DDB2: variants seen among roughly 807,000 people sequenced by gnomAD.
DDB2 encodes damage specific DNA binding protein 2.
DDB2 carries 27 observed loss-of-function variants against 50.5 expected under a neutral mutation model. The ratio of observed to expected loss-of-function variants is 0.53; its 90% CI spans 0.39 to 0.74. The LOEUF is 0.74. Ranked by LOEUF, DDB2 falls within the 30% of genes least tolerant of loss-of-function variation. The pLI, the probability that DDB2 is intolerant of heterozygous loss-of-function variation, is 0.00. For missense variants in DDB2, 424 were observed against 545.6 expected, an observed-to-expected ratio of 0.78 and a Z score of 2.22; for synonymous variants, 176 against 205.5, an observed-to-expected ratio of 0.86 and a Z score of 1.23.
At chr11:47,232,099 T>C (rs1292141997) in intron 3 of DDB2, among the ~76,000 whole-genome samples, 2 of 152,050 alleles carry the variant, frequency 1.3e-5, no homozygotes, top group Non-Finnish European at 2.9e-5. Flanking sequence ...ATCCCAGCAC[T>C]TTGGGAGGCC....
intron 2 of DDB2, 96 bp from the exon 3 acceptor site, chr11:47,216,762 C>T: frequency 2.3e-6 from 3 of 1,309,052 alleles, no homozygotes; most frequent in South Asian, 2.4e-5. Flanking sequence ...GGTGGGAGGA[C>T]TTGGATCTAG....
rs761555714 is a variant in DDB2, at chr11:47,229,500, C to T, written c.457-3314C>T. Among the ~76,000 whole-genome samples, 6 of 152,038 alleles carry T rather than the reference C, an allele frequency of 3.9e-5. 1 individual carries two copies. The highest frequency in any genetic ancestry group is 3.3e-4 in the Admixed American group (5 of 15,254). Reference sequence around the variant, plus strand: ...AAGAGTCCAAGCATCCTAAGGAAGACGTGCATTTGGGGAGTGTGTGGCAGC... The same window carrying T: ...AAGAGTCCAAGCATCCTAAGGAAGATGTGCATTTGGGGAGTGTGTGGCAGC... On this transcript the variant is annotated intron_variant, in intron 3 of 9. Coordinates refer to ENST00000256996, the MANE Select transcript of DDB2 (RefSeq NM_000107.3).
At chr11:47,215,861 A>G (rs1565149991) in intron 1 of DDB2, 1 of 271,644 alleles carries the variant, frequency 3.7e-6, no homozygotes, top group Non-Finnish European at 7.2e-6. Context: ...TTCTAATTTC[A>G]CTTACCTCCC....
chr11:47,238,235 A>C, intron 9 of DDB2, 52 bp downstream of exon 9: 1 of 1,526,528 alleles, frequency 6.6e-7, no homozygotes, highest in Non-Finnish European at 8.9e-7. Context: ...CTACTTCCCA[A>C]GGTTCAGTGC....
At chr11:47,227,846 T>C (rs938565936) in intron 3 of DDB2, among the ~76,000 whole-genome samples, 1 of 152,106 alleles carries the variant, frequency 6.6e-6, no homozygotes, top group Non-Finnish European at 1.5e-5. Context: ...TGTATCAAGA[T>C]TATGCTGATT....
At chr11:47,230,256 C>T (rs944108563) in intron 3 of DDB2, among the ~76,000 whole-genome samples, 3 of 151,910 alleles carry the variant, frequency 2.0e-5, no homozygotes, top group Non-Finnish European at 4.4e-5. Flanking sequence ...GCCAGGATTG[C>T]ACCACTGCAT....
intron 3 of DDB2, among the ~76,000 whole-genome samples, chr11:47,226,314 C>T (rs1036271169): frequency 1.4e-5 from 2 of 145,168 alleles, no homozygotes; most frequent in Admixed American, 1.5e-4. Context: ...CTCCCTCTGT[C>T]GCCCAGGCTG....
intron 2 of DDB2, 59 bp downstream of exon 2, chr11:47,216,531 T>C (rs577230400): frequency 1.2e-6 from 2 of 1,607,616 alleles, no homozygotes; most frequent in East Asian, 4.5e-5. Context: ...TACTATTGCA[T>C]GCTCCCAAAT....
At chr11:47,231,823 A>C (rs1440166677) in intron 3 of DDB2, among the ~76,000 whole-genome samples, 1 of 152,094 alleles carries the variant, frequency 6.6e-6, no homozygotes, top group Non-Finnish European at 1.5e-5. Flanking sequence ...ACATTCTATG[A>C]GGGCAAAACA....
chr11:47,234,126 G>C (rs969802103), intron 4 of DDB2, among the ~76,000 whole-genome samples: 3 of 152,128 alleles, frequency 2.0e-5, no homozygotes, highest in African/African-American at 4.8e-5. Flanking sequence ...TGTTCAGAAG[G>C]GGGCAGAAGT....
chr11:47,216,265 C>T (rs1278708651), intron 1 of DDB2, 71 bp from the exon 2 acceptor site: 1 of 1,609,216 alleles, frequency 6.2e-7, no homozygotes. Context: ...AACAAGGCTT[C>T]CTTTCGGGGA....
At position 47,234,608 on chromosome 11, in the gene DDB2, G is replaced by C; in HGVS notation, c.638G>C (p.Ser213Thr). Reference sequence around the variant, plus strand: ...TGTAGCCTGGATGTGTCTGCTAGTAGCCGAATGGTGGTCACAGGAGACAAC... The same window carrying C: ...TGTAGCCTGGATGTGTCTGCTAGTACCCGAATGGTGGTCACAGGAGACAAC... ...WFCSLDVSAS[S>T]RMVVTGDNVG... is the part of the protein sequence containing the mutation. Residue 213 changes from serine to threonine, a missense_variant, in exon 5 of 10, where the codon AGC becomes ACC. Physicochemically the swap from Ser to Thr is moderately conservative, Grantham distance 58. Coordinates refer to ENST00000256996, the MANE Select transcript of DDB2 (RefSeq NM_000107.3). The C allele has an allele frequency of 1.2e-6, 2 of 1,614,104 alleles. No homozygotes were observed. The highest frequency in any genetic ancestry group is 1.7e-6 in the Non-Finnish European group (2 of 1,180,022).
chr11:47,235,760 T>A (rs1340161966), intron 7 of DDB2: 2 of 278,700 alleles, frequency 7.2e-6, no homozygotes, highest in Non-Finnish European at 1.4e-5. Context: ...TTTTTATTTT[T>A]TTATTATTTT....
intron 3 of DDB2, chr11:47,220,839 A>G (rs1207610637): frequency 6.6e-6 from 1 of 152,206 alleles, no homozygotes; most frequent in Non-Finnish European, 1.5e-5. Context: ...CACAATGAAG[A>G]TAGCTTAATT....
chr11:47,215,487 C>A (rs1953388627), intron 1 of DDB2: 1 of 592,330 alleles, frequency 1.7e-6, no homozygotes, highest in Non-Finnish European at 3.0e-6. Flanking sequence ...AACAGACACA[C>A]GGACTTGTCA....
chr11:47,229,861 T>TG (rs1201601300), intron 3 of DDB2: 1 of 403,502 alleles, frequency 2.5e-6, no homozygotes, highest in Middle Eastern at 8.5e-4. Flanking sequence ...GACAGGGTCT[T>TG]GCTCTGCCAC....
At chr11:47,222,392 G>C (rs1471719922) in intron 3 of DDB2, among the ~76,000 whole-genome samples, 3 of 151,534 alleles carry the variant, frequency 2.0e-5, no homozygotes, top group Admixed American at 6.6e-5. Context: ...GGGTCTTGCT[G>C]TGTCACCCAG....
At chr11:47,229,386 G>A (rs1035303813) in intron 3 of DDB2, among the ~76,000 whole-genome samples, 4 of 152,278 alleles carry the variant, frequency 2.6e-5, no homozygotes, top group Middle Eastern at 3.4e-3. Context: ...AGGGGCGGCC[G>A]TGGCGCCTGA....
At chr11:47,237,589 C>T in intron 7 of DDB2, 3 of 437,906 alleles carry the variant, frequency 6.9e-6, no homozygotes, top group Non-Finnish European at 8.6e-6. Flanking sequence ...TACCACCACG[C>T]CCAGCTAATT....
Sources: gnomAD v4.1 joint callset for allele counts (sites outside exome capture counted in the v4.1 genomes callset) on GRCh38, gnomAD v4.1.1 for gene constraint, MANE v1.5 for transcripts, NCBI Gene and HGNC (gene_info 2026-07-23, HGNC 2026-07-21) for gene names.